The following PLAGL1 variants were observed in gnomAD, a reference collection of about 807,000 sequenced individuals.
PLAGL1 encodes PLAG1 like zinc finger 1.
A neutral mutation model predicts 4.6 loss-of-function variants in PLAGL1; 1 was observed. That is an observed-to-expected ratio of 0.22 (90% confidence interval 0.08 to 1.03). The LOEUF (loss-of-function observed/expected upper bound fraction) is 1.03. PLAGL1 is among the 50% of genes least tolerant of loss of function. The pLI, the probability that PLAGL1 is intolerant of heterozygous loss-of-function variation, is 0.58. For synonymous variants in PLAGL1, 240 were observed against 237.8 expected (o/e 1.01, Z -0.08); for missense variants, 464 against 570.4 (o/e 0.81, Z 1.90).
rs1475202172 is a variant in PLAGL1, at chr6:144,053,019, G to T, written c.-151+11449C>A. Among the ~76,000 whole-genome samples the T allele has an allele frequency of 6.6e-6, 1 of 152,098 alleles. No homozygotes were observed. On this transcript the variant is annotated intron_variant, in intron 1 of 3. Coordinates refer to the PLAGL1 transcript ENST00000437412. The surrounding 1 kb of genome is among the most constrained non-coding windows in gnomAD (Gnocchi z 4.0). ...TACTCACAATACTATATTTTTTCAG[G>T]TTAGCACCAATACTTGTAAATGCTT...
rs1792564127 is a variant in PLAGL1 at position 144,000,255 on chromosome 6, G to A, written c.-584+7835C>T. Among the ~76,000 whole-genome samples the A allele has an allele frequency of 6.6e-6, 1 of 152,036 alleles. No homozygotes were observed. The highest frequency in any genetic ancestry group is 1.5e-5 in the Non-Finnish European group (1 of 67,970). Reference sequence around the variant, plus strand: ...CAGTACCACTATTCTTCATTGTACTGGTTGTCCTAGCCAGTGAAATTAGAC... The same window carrying A: ...CAGTACCACTATTCTTCATTGTACTAGTTGTCCTAGCCAGTGAAATTAGAC... On this transcript the variant is annotated intron_variant, in intron 1 of 7. Transcript: ENST00000674357. The surrounding 1 kb of genome is among the most constrained non-coding windows in gnomAD (Gnocchi z 4.1).
In PLAGL1 at chr6:143,964,060, C is replaced by T. The variant is rs1471768042; in HGVS notation, c.-399+727G>A. Among the ~76,000 whole-genome samples the T allele has an allele frequency of 6.6e-6, 1 of 152,140 alleles. No individual in the cohort carries two copies. Among genetic ancestry groups the T allele is most frequent in the African/African-American group, 2.4e-5 (1 of 41,400 alleles). ...CAGAGGAGAAGCTGCCAAAATGACA[C>T]TCTCCCTTCCATCCCCCCATGGCCA... On this transcript the variant is annotated intron_variant, in intron 5 of 7. Transcript: ENST00000674357. The surrounding 1 kb of genome is among the most constrained non-coding windows in gnomAD (Gnocchi z 4.3).
rs1787312788 is a variant in PLAGL1 at position 143,979,076 on chromosome 6, T to G, written c.-544+6059A>C. ...ATATTCTTTGTTCTAATTTCTACTTTGTCTAATATGAATACAGTCACCACA... is the reference window on the plus strand; with the variant it reads ...ATATTCTTTGTTCTAATTTCTACTTGGTCTAATATGAATACAGTCACCACA... On this transcript the variant is annotated intron_variant, in intron 2 of 7. Transcript: ENST00000674357. This position sits in a 1 kb window ranked among gnomAD's most constrained non-coding sequence, Gnocchi z 4.6. 6.6e-6 allele frequency among the ~76,000 whole-genome samples: 1 copy of G among 152,208 alleles called. No individual in the cohort carries two copies. The highest frequency in any genetic ancestry group is 1.5e-5 in the Non-Finnish European group (1 of 68,004).
At chr6:143,976,054 A>C (rs1786448305) in intron 2 of PLAGL1, among the ~76,000 whole-genome samples, 1 of 152,120 alleles carries the variant, frequency 6.6e-6, no homozygotes, top group Non-Finnish European at 1.5e-5. Context: ...GTAAACAGCA[A>C]ACCTTATTTT....
chr6:144,003,774 T>C (rs1408693690), intron 1 of PLAGL1, among the ~76,000 whole-genome samples: 2 of 151,952 alleles, frequency 1.3e-5, no homozygotes, highest in African/African-American at 4.8e-5. Flanking sequence ...ATGGGCAAAA[T>C]ATTTCAATAG....
intron 1 of PLAGL1, among the ~76,000 whole-genome samples, chr6:144,042,353 A>G (rs1797809370): frequency 6.6e-6 from 1 of 152,196 alleles, no homozygotes; most frequent in Non-Finnish European, 1.5e-5. Flanking sequence ...TTTTTGCATA[A>G]GGTGAAAGGA....
At chr6:144,009,220 A>G (rs1698397969), upstream of PLAGL1, among the ~76,000 whole-genome samples, 1 of 152,240 alleles carries the variant, frequency 6.6e-6, no homozygotes, top group South Asian at 2.1e-4. Context: ...GCTTCCTAGC[A>G]ATGAGAACAT....
At position 144,034,573 on chromosome 6, in the gene PLAGL1, C is replaced by G. The variant is rs895777683; in HGVS notation, c.-151+29895G>C. ...AAGGAAGTGTGCAGCTAATTCAGTC[C>G]TCCAGCAAAGAAAAGTGGGAGGCCC... On this transcript the variant is annotated intron_variant, in intron 1 of 3. Transcript: ENST00000437412. The surrounding 1 kb of genome is among the most constrained non-coding windows in gnomAD (Gnocchi z 4.7). Among the ~76,000 whole-genome samples, 1 of 152,132 alleles carries G rather than the reference C, an allele frequency of 6.6e-6. No individual in the cohort carries two copies. Among genetic ancestry groups the G allele is most frequent in the Non-Finnish European group, 1.5e-5 (1 of 68,026 alleles).
rs1339050312 is a variant in PLAGL1, at chr6:144,055,794, G to T, written c.-151+8674C>A. Among the ~76,000 whole-genome samples the T allele has an allele frequency of 6.6e-6, 1 of 152,140 alleles. No individual in the cohort carries two copies. The highest frequency in any genetic ancestry group is 2.4e-5 in the African/African-American group (1 of 41,432). Reference sequence around the variant, plus strand: ...ACATTATTAACGATAACAAGTCCTGGAAGAAAGAACCTCATCCCCATGAAC... The same window carrying T: ...ACATTATTAACGATAACAAGTCCTGTAAGAAAGAACCTCATCCCCATGAAC... On this transcript the variant is annotated intron_variant, in intron 1 of 3. Transcript: ENST00000437412. The surrounding 1 kb of genome is among the most constrained non-coding windows in gnomAD (Gnocchi z 5.0).
chr6:144,009,554 T>G (rs1460769392), upstream of PLAGL1, among the ~76,000 whole-genome samples: 1 of 152,228 alleles, frequency 6.6e-6, no homozygotes, highest in African/African-American at 2.4e-5. Flanking sequence ...TTGGGATACA[T>G]GTGCAGAACG....
Position 144,036,101 on chromosome 6 carries a change from C to T in PLAGL1, c.-151+28367G>A, listed in dbSNP as rs920068895. Among the ~76,000 whole-genome samples, 1 of 152,098 alleles carries T rather than the reference C, an allele frequency of 6.6e-6. No homozygotes were observed. The highest frequency in any genetic ancestry group is 2.4e-5 in the African/African-American group (1 of 41,412). On this transcript the variant is annotated intron_variant, in intron 1 of 3. Coordinates refer to the PLAGL1 transcript ENST00000437412. This position sits in a 1 kb window ranked among gnomAD's most constrained non-coding sequence, Gnocchi z 5.1. ...TGCTTCAAGGACACCCCAGGTGGAC[C>T]CAGAGGGCAGCTACAAGCCGACTTT...
chr6:144,032,644 G>A (rs1012132003), intron 1 of PLAGL1, among the ~76,000 whole-genome samples: 1 of 151,872 alleles, frequency 6.6e-6, no homozygotes, highest in Non-Finnish European at 1.5e-5. Context: ...TCACTGCAAC[G>A]TCCGCCTCCT....
chr6:143,945,950 G>A lies in PLAGL1; in HGVS notation c.152+2035C>T, dbSNP rs973605673. 4.6e-5 allele frequency among the ~76,000 whole-genome samples: 7 copies of A among 152,270 alleles called. No individual in the cohort carries two copies. Among genetic ancestry groups the A allele is most frequent in the Middle Eastern group, 3.4e-3 (1 of 294 alleles). ...TCTCTTTACACCCTTAACTGAACAA[G>A]CCATTTTCCTTGCTAAGAACAACTA... On this transcript the variant is annotated intron_variant, in intron 7 of 7. Transcript: ENST00000674357. The surrounding 1 kb of genome is among the most constrained non-coding windows in gnomAD (Gnocchi z 4.2).
chr6:144,029,777 T>G (rs1796664929), intron 1 of PLAGL1, among the ~76,000 whole-genome samples: 1 of 151,966 alleles, frequency 6.6e-6, no homozygotes, highest in African/African-American at 2.4e-5. Flanking sequence ...CTGATGGGAG[T>G]AGAAACTGGT....
At position 143,989,095 on chromosome 6, in the gene PLAGL1, G is replaced by A. The variant is rs746520095; in HGVS notation, c.-583-3921C>T. Among the ~76,000 whole-genome samples the A allele has an allele frequency of 8.5e-5, 13 of 152,168 alleles. No individual in the cohort carries two copies. The highest frequency in any genetic ancestry group is 2.4e-4 in the African/African-American group (10 of 41,432). On this transcript the variant is annotated intron_variant, in intron 1 of 7. Coordinates refer to ENST00000674357, the MANE Select transcript of PLAGL1 (RefSeq NM_001317162.2). The surrounding 1 kb of genome is among the most constrained non-coding windows in gnomAD (Gnocchi z 4.8). ...ACCTATGCACTTTTGTAATCACAGC[G>A]CTAACCAAATAATAATGCATACCTC...
In PLAGL1 at chr6:143,979,675, C is replaced by T. The variant is rs1481782869; in HGVS notation, c.-544+5460G>A. Among the ~76,000 whole-genome samples, 3 of 151,886 alleles carry T rather than the reference C, an allele frequency of 2.0e-5. No individual in the cohort carries two copies. Among genetic ancestry groups the T allele is most frequent in the African/African-American group, 7.2e-5 (3 of 41,400 alleles). On this transcript the variant is annotated intron_variant, in intron 2 of 7. Coordinates refer to ENST00000674357, the MANE Select transcript of PLAGL1 (RefSeq NM_001317162.2). This position sits in a 1 kb window ranked among gnomAD's most constrained non-coding sequence, Gnocchi z 4.6. ...TTTTATATGTTATATACCCCATTTG[C>T]TATTTTTGTTTAAACCATCTTTTAA... is the stretch of plus-strand genomic sequence containing the variant.
Position 144,038,928 on chromosome 6 carries a change from G to T in PLAGL1, c.-151+25540C>A, listed in dbSNP as rs1482712349. Among the ~76,000 whole-genome samples, 3 of 152,060 alleles carry T rather than the reference G, an allele frequency of 2.0e-5. No homozygotes were observed. The East Asian group carries it at 5.8e-4, about 29-fold the overall frequency. On this transcript the variant is annotated intron_variant, in intron 1 of 3. Transcript: ENST00000437412. ...AATATACTAAAAGCCATTTTAAATG[G>T]GTGAATTGTATGATATGTGAACTAT...
At position 143,958,750 on chromosome 6, in the gene PLAGL1, G is replaced by T. The variant is rs981832964; in HGVS notation, c.-325+1719C>A. ...TTTAAACTGATTAACATTTCATCAG[G>T]TTTCCATTTTAAAAGAAAATGGCAC... On this transcript the variant is annotated intron_variant, in intron 6 of 7. Coordinates refer to ENST00000674357, the MANE Select transcript of PLAGL1 (RefSeq NM_001317162.2). The surrounding 1 kb of genome is among the most constrained non-coding windows in gnomAD (Gnocchi z 5.1). 1.3e-5 allele frequency among the ~76,000 whole-genome samples: 2 copies of T among 152,014 alleles called. No homozygotes were observed. The highest frequency in any genetic ancestry group is 2.4e-5 in the African/African-American group (1 of 41,352).
chr6:143,977,286 T>C (rs1283227615), intron 2 of PLAGL1, among the ~76,000 whole-genome samples: 1 of 152,110 alleles, frequency 6.6e-6, no homozygotes, highest in Non-Finnish European at 1.5e-5. Context: ...ACAGAGAAGT[T>C]TTGCCGATCT....
Sources: gnomAD v4.1 joint callset for allele counts (sites outside exome capture counted in the v4.1 genomes callset) on GRCh38, gnomAD v4.1.1 for gene constraint, Gnocchi (gnomAD v3.1) non-coding constraint, MANE v1.5 for transcripts, NCBI Gene and HGNC (gene_info 2026-07-23, HGNC 2026-07-21) for gene names.